ENPP2: variants seen among roughly 807,000 people sequenced by gnomAD.
The protein encoded by ENPP2 is autotaxin.
ENPP2 carries 51 observed loss-of-function variants against 120.2 expected under a neutral mutation model. That is an observed-to-expected ratio of 0.42 (90% CI 0.34 to 0.54). The LOEUF is 0.54. Ranked by LOEUF, ENPP2 falls within the 20% of genes least tolerant of loss-of-function variation. ENPP2 has a pLI of 0.04. For synonymous variants in ENPP2, 365 were observed against 366.4 expected, an observed-to-expected ratio of 1.00 and a Z score of 0.04; for missense variants, 920 against 1,066.5, an observed-to-expected ratio of 0.86 and a Z score of 1.91.
intron 1 of ENPP2, among the ~76,000 whole-genome samples, chr8:119,648,778 T>C (rs1419795614): frequency 6.6e-6 from 1 of 152,218 alleles, no homozygotes; most frequent in Non-Finnish European, 1.5e-5. Context: ...CATCATCATA[T>C]TTAATGGTGA....
At chr8:119,672,121 G>A (rs1818268737) in intron 1 of ENPP2, among the ~76,000 whole-genome samples, 2 of 152,144 alleles carry the variant, frequency 1.3e-5, no homozygotes, top group African/African-American at 4.8e-5. Context: ...GTGTGAAGGA[G>A]CAAACCGGTA....
At chr8:119,663,207 G>A (rs1350099362) in intron 1 of ENPP2, among the ~76,000 whole-genome samples, 1 of 151,818 alleles carries the variant, frequency 6.6e-6, no homozygotes, top group African/African-American at 2.4e-5. Context: ...GATGAGCAGT[G>A]CTTTTTCAAG....
chr8:119,569,740 A>G (rs190575834), intron 20 of ENPP2, among the ~76,000 whole-genome samples: 13,550 of 80,108 alleles, frequency 0.17, 824 homozygotes, highest in South Asian at 0.32. Flanking sequence ...TAGACTATTT[A>G]TCTGTGTGTG....
rs1160941221 is a variant in ENPP2, at chr8:119,654,039, T to C, written c.22-15512A>G. The stretch of plus-strand genomic sequence containing the variant: ...TATATATGTATAATATTTTATTATA[T>C]GTTATATTATCTAGAGAGACATATT... On this transcript the variant is annotated intron_variant, in intron 1 of 25. Transcript: ENST00000427067. Among the ~76,000 whole-genome samples the C allele has an allele frequency of 2.1e-5, 3 of 146,142 alleles. No homozygotes were observed. The East Asian group carries it at 5.8e-4, about 28-fold the overall frequency.
intron 24 of ENPP2, among the ~76,000 whole-genome samples, chr8:119,559,881 A>C (rs1813781566): frequency 2.0e-5 from 3 of 152,220 alleles, no homozygotes; most frequent in Admixed American, 2.0e-4. Flanking sequence ...CACAGCAAGG[A>C]CAGCTTCTAC....
At chr8:119,651,278 A>G (rs895401910) in intron 1 of ENPP2, among the ~76,000 whole-genome samples, 17 of 152,246 alleles carry the variant, frequency 1.1e-4, no homozygotes, top group African/African-American at 3.6e-4. Flanking sequence ...GCAAACATGT[A>G]TACATAGTAC....
At chr8:119,661,146 T>G (rs1156737424) in intron 1 of ENPP2, among the ~76,000 whole-genome samples, 1 of 151,592 alleles carries the variant, frequency 6.6e-6, no homozygotes, top group Non-Finnish European at 1.5e-5. Context: ...GAGGGGAACA[T>G]CACACACTGG....
chr8:119,607,572 G>C (rs557671396), intron 9 of ENPP2, among the ~76,000 whole-genome samples: 199 of 152,172 alleles, frequency 1.3e-3, no homozygotes, highest in African/African-American at 4.7e-3. Flanking sequence ...CCACTTGGGA[G>C]GCTGAGGCAG....
intron 22 of ENPP2, 35 bp downstream of exon 22, chr8:119,568,140 T>C (rs1420177008): frequency 9.3e-7 from 1 of 1,071,252 alleles, no homozygotes; most frequent in Admixed American, 1.9e-5. Context: ...TTTATTTTCA[T>C]AAATAACAGT....
intron 9 of ENPP2, 21 bp downstream of exon 9, chr8:119,607,901 G>A (rs999904783): frequency 3.3e-6 from 5 of 1,507,216 alleles, no homozygotes; most frequent in Non-Finnish European, 4.5e-6. Flanking sequence ...TATAAACATT[G>A]ACAAAATAAA....
chr8:119,572,859 TAC>T (rs767889778), intron 19 of ENPP2: 4 of 152,440 alleles, frequency 2.6e-5, no homozygotes, highest in Non-Finnish European at 4.4e-5. Flanking sequence ...TAAAGATAGT[TAC>T]AGAGTGTGAT....
At chr8:119,631,204 C>CTTTTTTT (rs60092023) in intron 2 of ENPP2, among the ~76,000 whole-genome samples, 4 of 61,778 alleles carry the variant, frequency 6.5e-5, no homozygotes, top group Non-Finnish European at 1.1e-4. Flanking sequence ...ATGCTGCTAT[C>CTTTTTTT]TTTTTTTTTT....
intron 11 of ENPP2, among the ~76,000 whole-genome samples, chr8:119,596,561 C>T (rs1050099541): frequency 3.3e-5 from 5 of 152,108 alleles, no homozygotes; most frequent in Admixed American, 6.5e-5. Flanking sequence ...AAACCAAGGA[C>T]GGAATGAAAC....
At chr8:119,583,922 C>G (rs1274201945) in intron 16 of ENPP2, 40 bp downstream of exon 16, 38 of 1,514,888 alleles carry the variant, frequency 2.5e-5, no homozygotes, top group Non-Finnish European at 3.4e-5. Context: ...TTCGAAGAAC[C>G]ACTAAAACAC....
chr8:119,618,138 T>G (rs1815605890), intron 5 of ENPP2: 1 of 354,902 alleles, frequency 2.8e-6, no homozygotes, highest in African/African-American at 2.1e-5. Context: ...TTGTAACAAA[T>G]AACACAGTGA....
intron 19 of ENPP2, chr8:119,572,971 A>T (rs1358788869): frequency 6.6e-6 from 1 of 152,254 alleles, no homozygotes; most frequent in Non-Finnish European, 1.5e-5. Context: ...GCCCCATGTT[A>T]CAGTTTTATG....
intron 11 of ENPP2, among the ~76,000 whole-genome samples, chr8:119,596,608 C>T (rs184703624): frequency 6.2e-4 from 94 of 152,314 alleles, no homozygotes; most frequent in African/African-American, 1.9e-3. Flanking sequence ...CATAAACGTA[C>T]TCCCACAAAT....
At position 119,563,003 on chromosome 8, in the gene ENPP2, C is replaced by T. The variant is rs1215278322; in HGVS notation, c.2275G>A (p.Gly759Ser). The change falls in exon 24 of 25, where the codon GGC becomes AGC. Residue 759 changes from glycine (G) to serine (S), a missense_variant. Coordinates refer to ENST00000075322, the MANE Select transcript of ENPP2 (RefSeq NM_001040092.3). ...TGAGTTGGAACAGGAATGGAACTGC[C>T]TTCCACGTACCTGAAACAGGAAGGT... ...TEDKIKQYVEGSSIPVPTHYY... is the reference protein window; with the variant it reads ...TEDKIKQYVESSSIPVPTHYY... 2 of 1,613,030 alleles carry T rather than the reference C, an allele frequency of 1.2e-6. No homozygotes were observed. The highest frequency in any genetic ancestry group is 1.1e-5 in the South Asian group (1 of 90,870).
intron 3 of ENPP2, among the ~76,000 whole-genome samples, chr8:119,622,778 C>T (rs756792650): frequency 6.6e-6 from 1 of 151,986 alleles, no homozygotes; most frequent in African/African-American, 2.4e-5. Context: ...CTCATTTACT[C>T]ATTGACTCTT....
Sources: gnomAD v4.1 joint callset for allele counts (sites outside exome capture counted in the v4.1 genomes callset) on GRCh38, gnomAD v4.1.1 for gene constraint, MANE v1.5 for transcripts, NCBI Gene and HGNC (gene_info 2026-07-23, HGNC 2026-07-21) for gene names.